Variants in IQCJ observed in about 807,000 individuals in gnomAD.
IQCJ encodes the protein IQ motif containing J.
A neutral mutation model predicts 11.0 loss-of-function variants in IQCJ; 9 were observed. The observed-to-expected ratio is 0.82, with a 90% CI of 0.49 to 1.43. The LOEUF is 1.43. IQCJ is among the 40% of genes most tolerant of loss of function. IQCJ has a pLI of 0.00. For synonymous variants in IQCJ, 55 were observed against 51.3 expected (o/e 1.07, Z -0.31); for missense variants, 146 against 133.2 (o/e 1.10, Z -0.47).
intron 1 of IQCJ, among the ~76,000 whole-genome samples, chr3:159,159,535 T>C (rs896611831): frequency 6.6e-6 from 1 of 152,226 alleles, no homozygotes; most frequent in Non-Finnish European, 1.5e-5. Flanking sequence ...TACATAATCA[T>C]AGTTGTGCTT....
intron 1 of IQCJ, among the ~76,000 whole-genome samples, chr3:159,229,583 T>C (rs1022985866): frequency 6.6e-6 from 1 of 151,514 alleles, no homozygotes; most frequent in Non-Finnish European, 1.5e-5. Flanking sequence ...AATGGAACAA[T>C]GATTAAATGA....
chr3:159,093,133 G>C (rs1467158292), intron 1 of IQCJ, among the ~76,000 whole-genome samples: 1 of 151,760 alleles, frequency 6.6e-6, no homozygotes, highest in African/African-American at 2.4e-5. Context: ...GTCTGGATTT[G>C]TATTAATCTG....
intron 1 of IQCJ, among the ~76,000 whole-genome samples, chr3:159,085,936 T>A (rs1716725958): frequency 6.6e-6 from 1 of 152,020 alleles, no homozygotes; most frequent in African/African-American, 2.4e-5. Flanking sequence ...ATACCATTTG[T>A]CAATTTTGGC....
intron 1 of IQCJ, among the ~76,000 whole-genome samples, chr3:159,210,627 A>T (rs1408619042): frequency 3.3e-5 from 5 of 152,198 alleles, no homozygotes; most frequent in African/African-American, 1.2e-4. Context: ...CAGTTACTTC[A>T]GTTGTATCAC....
At chr3:159,209,123 CT>C (rs1028343180) in intron 1 of IQCJ, among the ~76,000 whole-genome samples, 3 of 152,198 alleles carry the variant, frequency 2.0e-5, no homozygotes, top group Non-Finnish European at 4.4e-5. Flanking sequence ...GCCACACCCC[CT>C]GATCCTGTAC....
intron 1 of IQCJ, among the ~76,000 whole-genome samples, chr3:159,236,197 T>A (rs748914139): frequency 2.5e-4 from 38 of 149,776 alleles, no homozygotes; most frequent in Admixed American, 5.4e-4. Flanking sequence ...CTTCCCTGTG[T>A]GAAATTTACA....
intron 1 of IQCJ, among the ~76,000 whole-genome samples, chr3:159,217,952 C>CT (rs1725325959): frequency 6.6e-6 from 1 of 152,034 alleles, no homozygotes; most frequent in Non-Finnish European, 1.5e-5. Flanking sequence ...TCCTTGAGGA[C>CT]AGTGGCTGCA....
At chr3:159,203,496 C>T (rs1171121568) in intron 1 of IQCJ, among the ~76,000 whole-genome samples, 3 of 151,954 alleles carry the variant, frequency 2.0e-5, no homozygotes, top group Non-Finnish European at 2.9e-5. Flanking sequence ...TCTACCCCAT[C>T]ACCACCCTCC....
intron 1 of IQCJ, among the ~76,000 whole-genome samples, chr3:159,091,937 CTA>C (rs1347290684): frequency 1.3e-5 from 2 of 151,786 alleles, no homozygotes; most frequent in Admixed American, 1.3e-4. Context: ...TAGATAATAA[CTA>C]TTTTGAAATT....
At chr3:159,265,278 G>T, downstream of IQCJ, 1 of 1,613,848 alleles carries the variant, frequency 6.2e-7, no homozygotes. Context: ...GTCACCTGGG[G>T]ACAAGTTGCC....
At chr3:159,088,552 C>G (rs1041578311) in intron 1 of IQCJ, among the ~76,000 whole-genome samples, 19 of 152,168 alleles carry the variant, frequency 1.2e-4, no homozygotes, top group Non-Finnish European at 2.5e-4. Flanking sequence ...GTGTGGGAGT[C>G]TAAGTCTCTT....
downstream of IQCJ, chr3:159,265,210 A>C: frequency 6.2e-7 from 1 of 1,612,682 alleles, no homozygotes; most frequent in Non-Finnish European, 8.5e-7. Flanking sequence ...TGCTGTGATC[A>C]TCAGTTTGCC....
chr3:159,069,336 C>T lies in IQCJ; in HGVS notation c.-97C>T. The T allele has an allele frequency of 2.0e-6, 3 of 1,475,154 alleles. No homozygotes were observed. The highest frequency in any genetic ancestry group is 2.7e-6 in the Non-Finnish European group (3 of 1,106,226). 91.4% of individuals were successfully genotyped at this position (1,475,154 alleles called of 1,614,324 possible). ...CCAGCCTCACACTCGCCTCACATTC[C>T]CCCACAGTCACATTGCGCTCTGTGA... On this transcript the variant is annotated 5_prime_UTR_variant, in exon 1 of 4. Coordinates refer to ENST00000397832, the MANE Select transcript of IQCJ (RefSeq NM_001042706.3).
intron 1 of IQCJ, among the ~76,000 whole-genome samples, chr3:159,091,674 GCACACACACACACACA>G (rs1170628138): frequency 2.5e-5 from 2 of 81,312 alleles, no homozygotes; most frequent in African/African-American, 8.3e-5. Context: ...ACACACGCAT[GCACACACACACACACA>G]CACACACACA....
chr3:159,197,150 T>C (rs1421888374), intron 1 of IQCJ, among the ~76,000 whole-genome samples: 1 of 152,190 alleles, frequency 6.6e-6, no homozygotes, highest in Non-Finnish European at 1.5e-5. Context: ...AAATATGAGC[T>C]GACAGGAAGG....
chr3:159,145,949 C>T (rs895171285), intron 1 of IQCJ, among the ~76,000 whole-genome samples: 13 of 152,080 alleles, frequency 8.5e-5, no homozygotes, highest in Admixed American at 4.6e-4. Flanking sequence ...CCATAATTAT[C>T]GGAGCCAACA....
chr3:159,158,018 G>A (rs1721631085), intron 1 of IQCJ, among the ~76,000 whole-genome samples: 1 of 152,060 alleles, frequency 6.6e-6, no homozygotes, highest in Non-Finnish European at 1.5e-5. Context: ...TATTTTTTGT[G>A]CACCTGTGCA....
At chr3:159,162,844 A>G (rs1721946113) in intron 1 of IQCJ, among the ~76,000 whole-genome samples, 2 of 152,342 alleles carry the variant, frequency 1.3e-5, no homozygotes, top group South Asian at 2.1e-4. Flanking sequence ...AAATTCCTTG[A>G]CAAATACACC....
chr3:159,089,324 C>T (rs1330241381), intron 1 of IQCJ, among the ~76,000 whole-genome samples: 1 of 152,158 alleles, frequency 6.6e-6, no homozygotes, highest in Non-Finnish European at 1.5e-5. Flanking sequence ...TGAGGATAAC[C>T]TGACCTTTCT....
Sources: gnomAD v4.1 joint callset for allele counts (sites outside exome capture counted in the v4.1 genomes callset) on GRCh38, gnomAD v4.1.1 for gene constraint, MANE v1.5 for transcripts, NCBI Gene and HGNC (gene_info 2026-07-23, HGNC 2026-07-21) for gene names.